Variants in LY75 observed in about 807,000 individuals in gnomAD.
LY75 encodes lymphocyte antigen 75.
In LY75, 185 loss-of-function variants were observed where a neutral mutation model predicts 231.7. The observed-to-expected ratio is 0.80, with a 90% CI of 0.71 to 0.90. The LOEUF is 0.90. LY75 is among the 40% of genes least tolerant of loss of function. The probability of loss-of-function intolerance (pLI) is 0.00; values close to 1 mark genes in which losing one functional copy is unlikely to be tolerated. For synonymous variants in LY75, 668 were observed against 689.0 expected (o/e 0.97, Z 0.48); for missense variants, 1,947 against 2,050.2 (o/e 0.95, Z 0.97).
intron 1 of LY75, 79 bp from the exon 2 acceptor site, chr2:159,899,138 A>G: frequency 2.0e-6 from 3 of 1,536,436 alleles, no homozygotes; most frequent in South Asian, 1.2e-5. Flanking sequence ...GAGTCTGAGC[A>G]CTACTGGACT....
At position 159,879,331 on chromosome 2, in the gene LY75, T is replaced by C. The variant is rs1358565204; in HGVS notation, c.1443A>G (p.Leu481=). 11 of 1,613,822 alleles carry C rather than the reference T, an allele frequency of 6.8e-6. No homozygotes were observed. Among genetic ancestry groups the C allele is most frequent in the East Asian group, 2.2e-5 (1 of 44,852 alleles). The part of the protein sequence containing the change: ...QWKVQSCEEK[L]KYVCKRKGEK... ...CTCCCTTTCTCTTGCATACATATTT[T>C]AGTTTCTCCTCACATGATTGGACTT... The change falls in exon 9 of 35, where the codon CTA becomes CTG. Residue 481 remains leucine (L), a synonymous_variant. Coordinates refer to ENST00000263636, the MANE Select transcript of LY75 (RefSeq NM_002349.4).
chr2:159,817,903 G>A (rs1683171352), intron 29 of LY75, among the ~76,000 whole-genome samples: 1 of 152,014 alleles, frequency 6.6e-6, no homozygotes, highest in Non-Finnish European at 1.5e-5. Flanking sequence ...CAAAAAATTA[G>A]CTGGGCATGG....
chr2:159,824,476 T>A (rs7423964), intron 28 of LY75, among the ~76,000 whole-genome samples: 24,493 of 152,120 alleles, frequency 0.16, 2,275 homozygotes, highest in East Asian at 0.32. Context: ...AGCAAGTTCA[T>A]AGAGACCTAC....
At chr2:159,825,038 G>A (rs1052539452) in intron 28 of LY75, among the ~76,000 whole-genome samples, 20 of 151,936 alleles carry the variant, frequency 1.3e-4, no homozygotes, top group African/African-American at 4.4e-4. Flanking sequence ...TAACATCAAA[G>A]TTAAAAGAAG....
At position 159,849,962 on chromosome 2, in the gene LY75, G is replaced by T; in HGVS notation, c.3150+18C>A. ...TTTCACAGAGGTATGAAGAGTATTG[G>T]TTTTTAAAAAAACTTACATTTTCTG... On this transcript the variant is annotated intron_variant, in intron 23 of 34. Coordinates refer to ENST00000263636, the MANE Select transcript of LY75 (RefSeq NM_002349.4). 2 of 1,607,888 alleles carry T rather than the reference G, an allele frequency of 1.2e-6. No individual in the cohort carries two copies. Among genetic ancestry groups the T allele is most frequent in the Non-Finnish European group, 1.7e-6 (2 of 1,177,990 alleles).
In LY75 at chr2:159,882,320, G is replaced by C. The variant is rs201087289; in HGVS notation, c.1055-5C>G. ...TATCTGAGTATGTCCAGACATCTGG[G>C]GGAAAAGCAGCTATTTATATTCCAG... On this transcript the variant is annotated splice_polypyrimidine_tract_variant and splice_region_variant and intron_variant, in intron 6 of 34. Transcript: ENST00000263636. 6.2e-7 allele frequency: 1 copy of C among 1,611,574 alleles called. No individual in the cohort carries two copies. The highest frequency in any genetic ancestry group is 8.5e-7 in the Non-Finnish European group (1 of 1,179,080).
chr2:159,849,554 A>G (rs1684316546), intron 23 of LY75, among the ~76,000 whole-genome samples: 1 of 152,188 alleles, frequency 6.6e-6, no homozygotes, highest in South Asian at 2.1e-4. Flanking sequence ...GTTATGAAAT[A>G]AGTGCTATGG....
intron 16 of LY75, among the ~76,000 whole-genome samples, 194 bp downstream of exon 16, chr2:159,858,168 T>G (rs1172355143): frequency 3.3e-5 from 5 of 152,180 alleles, no homozygotes; most frequent in Non-Finnish European, 5.9e-5. Flanking sequence ...GAGTAAGATA[T>G]CACTAAATTT....
chr2:159,813,810 C>T (rs1209462758), intron 31 of LY75: 3 of 152,240 alleles, frequency 2.0e-5, no homozygotes, highest in Non-Finnish European at 4.4e-5. Context: ...CCTGGTAGAG[C>T]ACAGAACTTA....
chr2:159,828,071 G>A (rs184712188), intron 28 of LY75, among the ~76,000 whole-genome samples: 165 of 151,282 alleles, frequency 1.1e-3, no homozygotes, highest in African/African-American at 3.7e-3. Context: ...AAAACTGCAC[G>A]TTCTACACAT....
chr2:159,855,428 C>T (rs1294522395), intron 16 of LY75, among the ~76,000 whole-genome samples: 1 of 152,054 alleles, frequency 6.6e-6, no homozygotes, highest in African/African-American at 2.4e-5. Context: ...TCCTTGGAAA[C>T]AATGTACAAT....
At chr2:159,869,783 G>A (rs553691141) in intron 13 of LY75, among the ~76,000 whole-genome samples, 17 of 152,272 alleles carry the variant, frequency 1.1e-4, no homozygotes, top group African/African-American at 3.4e-4. Flanking sequence ...TACAAAACAC[G>A]TTGTATAAAA....
chr2:159,869,719 C>A (rs1392011552), intron 13 of LY75, among the ~76,000 whole-genome samples: 3 of 152,132 alleles, frequency 2.0e-5, no homozygotes, highest in Non-Finnish European at 2.9e-5. Context: ...TAAATCTGTG[C>A]AAGGTGATAG....
chr2:159,893,654 A>C (rs1235405208), intron 3 of LY75, among the ~76,000 whole-genome samples: 2 of 151,860 alleles, frequency 1.3e-5, no homozygotes, highest in African/African-American at 4.8e-5. Flanking sequence ...TGCCTTTTCC[A>C]CACTTCCTCT....
intron 33 of LY75, 85 bp from the exon 34 acceptor site, chr2:159,807,225 T>C (rs1682819088): frequency 1.4e-6 from 2 of 1,431,206 alleles, no homozygotes; most frequent in African/African-American, 2.9e-5. Flanking sequence ...TCATCAGAAC[T>C]GTGCTGTCCA....
intron 4 of LY75, among the ~76,000 whole-genome samples, chr2:159,887,585 GAAAA>G: frequency 9.1e-6 from 1 of 109,558 alleles, no homozygotes; most frequent in East Asian, 2.6e-4. Flanking sequence ...AAAAAAAAAA[GAAAA>G]AAGAAAGAAA....
At chr2:159,886,603 T>C (rs1480957582) in intron 4 of LY75, 73 bp from the exon 5 acceptor site, 31 of 1,425,052 alleles carry the variant, frequency 2.2e-5, no homozygotes, top group Non-Finnish European at 2.2e-5. Context: ...CTTATTCTAC[T>C]AATAACAAAC....
chr2:159,875,420 G>A, intron 12 of LY75, 24 bp downstream of exon 12: 1 of 1,606,710 alleles, frequency 6.2e-7, no homozygotes, highest in Non-Finnish European at 8.5e-7. Context: ...TTCATTGAAG[G>A]ATAGAATGAG....
intron 4 of LY75, among the ~76,000 whole-genome samples, chr2:159,887,566 C>CAAAAAAAAAA (rs369452762): frequency 0.017 from 1,753 of 103,232 alleles, no homozygotes; most frequent in Non-Finnish European, 0.026. Flanking sequence ...TCAACAACAA[C>CAAAAAAAAAA]AAAAAAAAAA....
Sources: allele counts gnomAD v4.1 joint callset (sites outside exome capture counted in the v4.1 genomes callset), GRCh38; gene constraint gnomAD v4.1.1; transcripts MANE v1.5; gene names NCBI Gene and HGNC (gene_info 2026-07-23, HGNC 2026-07-21).